ANKS1B: variants seen among roughly 807,000 people sequenced by gnomAD.
ANKS1B encodes the protein ankyrin repeat and sterile alpha motif domain-containing protein 1B.
Under a neutral mutation model 148.3 loss-of-function variants are expected in ANKS1B, and 36 were observed. That is an observed-to-expected ratio of 0.24 (90% CI 0.19 to 0.32). ANKS1B has a LOEUF of 0.32. Among genes scored for constraint, ANKS1B ranks in the 10% least tolerant of loss-of-function variants. The pLI, the probability that ANKS1B is intolerant of heterozygous loss-of-function variation, is 1.00. For synonymous variants in ANKS1B, 542 were observed against 560.8 expected, an observed-to-expected ratio of 0.97 and a Z score of 0.47; for missense variants, 1,157 against 1,542.6, an observed-to-expected ratio of 0.75 and a Z score of 4.19.
At chr12:98,921,580 A>T (rs942808053) in intron 17 of ANKS1B, among the ~76,000 whole-genome samples, 1 of 152,204 alleles carries the variant, frequency 6.6e-6, no homozygotes, top group Non-Finnish European at 1.5e-5. Flanking sequence ...CCTTTAGAAC[A>T]TCACCCCACT....
chr12:99,942,553 T>C (rs1310929431), intron 1 of ANKS1B, among the ~76,000 whole-genome samples: 1 of 152,068 alleles, frequency 6.6e-6, no homozygotes, highest in Non-Finnish European at 1.5e-5. Flanking sequence ...GGAAAGATTA[T>C]ATGAGTATGT....
intron 1 of ANKS1B, among the ~76,000 whole-genome samples, chr12:99,831,350 T>TAAATGTACCAAATGTAA (rs1292149500): frequency 1.3e-5 from 2 of 152,170 alleles, no homozygotes; most frequent in Non-Finnish European, 2.9e-5. Context: ...GGTGAAAATG[T>TAAATGTACCAAATGTAA]AAATTGGTAC....
rs199933228 is a variant in ANKS1B at position 99,399,722 on chromosome 12, C to A, written c.1665G>T (p.Gly555=). 1.6e-5 allele frequency: 26 copies of A among 1,613,360 alleles called. No individual in the cohort carries two copies. Among genetic ancestry groups the A allele is most frequent in the Non-Finnish European group, 2.2e-5 (26 of 1,179,540 alleles). Reference sequence around the variant, plus strand: ...GAGGACTGGCAGTAAAGCTTGTGCACCCTGTAGATGTGTTGATTTCAAAAT... The same window carrying A: ...GAGGACTGGCAGTAAAGCTTGTGCAACCTGTAGATGTGTTGATTTCAAAAT... ...QEYFEINTST[G]CTSFTASPPA... The change falls in exon 12 of 27, where the codon GGG becomes GGT. Residue 555 remains glycine, a synonymous_variant. Transcript: ENST00000683438.
chr12:99,201,249 T>C (rs904291666), intron 14 of ANKS1B, among the ~76,000 whole-genome samples: 4 of 151,966 alleles, frequency 2.6e-5, no homozygotes, highest in African/African-American at 9.7e-5. Context: ...AAGAATGTGG[T>C]CAGGCCAGCA....
chr12:99,847,109 CTT>C, intron 1 of ANKS1B, among the ~76,000 whole-genome samples: 1 of 145,944 alleles, frequency 6.9e-6, no homozygotes, highest in African/African-American at 2.5e-5. Flanking sequence ...TTTTTTCTTT[CTT>C]TTTTTTTTTT....
chr12:99,553,320 A>T (rs1221010623), intron 9 of ANKS1B, among the ~76,000 whole-genome samples: 1 of 152,192 alleles, frequency 6.6e-6, no homozygotes, highest in Non-Finnish European at 1.5e-5. Flanking sequence ...ATTTTCCTTA[A>T]ATGAAAGTTG....
chr12:99,858,845 G>C (rs1317851330), intron 1 of ANKS1B, among the ~76,000 whole-genome samples: 1 of 152,080 alleles, frequency 6.6e-6, no homozygotes, highest in Non-Finnish European at 1.5e-5. Flanking sequence ...AAAGGCCTAA[G>C]AATGATACAA....
chr12:99,048,063 C>A (rs912695221), intron 17 of ANKS1B, among the ~76,000 whole-genome samples: 3 of 152,130 alleles, frequency 2.0e-5, no homozygotes, highest in Non-Finnish European at 4.4e-5. Context: ...ATGAAGAATA[C>A]TTAGTAGTCC....
At chr12:99,486,973 G>A (rs1024625340) in intron 10 of ANKS1B, among the ~76,000 whole-genome samples, 1 of 152,140 alleles carries the variant, frequency 6.6e-6, no homozygotes, top group African/African-American at 2.4e-5. Flanking sequence ...CCCCAACTGT[G>A]CCTGCCATGG....
intron 8 of ANKS1B, among the ~76,000 whole-genome samples, chr12:99,657,304 C>G (rs201922017): frequency 6.6e-6 from 1 of 152,164 alleles, no homozygotes; most frequent in East Asian, 1.9e-4. Flanking sequence ...GCAAAACCTA[C>G]TCTCCCCTCA....
intron 12 of ANKS1B, among the ~76,000 whole-genome samples, chr12:99,261,370 T>C (rs1476584813): frequency 2.0e-5 from 3 of 152,142 alleles, no homozygotes; most frequent in Non-Finnish European, 4.4e-5. Context: ...CTCTGCTCAT[T>C]CCTTCTGTTT....
intron 1 of ANKS1B, among the ~76,000 whole-genome samples, chr12:99,920,581 T>C (rs201624760): frequency 3.4e-4 from 52 of 152,190 alleles, no homozygotes; most frequent in Non-Finnish European, 6.5e-4. Flanking sequence ...GATTAATTCA[T>C]TCATTCATAC....
intron 9 of ANKS1B, among the ~76,000 whole-genome samples, chr12:99,567,768 G>A (rs2097411485): frequency 6.6e-6 from 1 of 152,066 alleles, no homozygotes; most frequent in African/African-American, 2.4e-5. Flanking sequence ...TCAATTAGAA[G>A]GCTTTCCTAA....
At chr12:99,143,741 TTAGTC>T (rs1291320833) in intron 15 of ANKS1B, among the ~76,000 whole-genome samples, 4 of 152,108 alleles carry the variant, frequency 2.6e-5, no homozygotes, top group Non-Finnish European at 4.4e-5. Context: ...GAAAGTTTCC[TTAGTC>T]TAGACTGCTT....
chr12:99,013,298 T>A (rs998252311), intron 17 of ANKS1B, among the ~76,000 whole-genome samples: 5 of 152,178 alleles, frequency 3.3e-5, no homozygotes, highest in African/African-American at 1.2e-4. Flanking sequence ...AAGCATTTCC[T>A]ATGTCTTAAG....
chr12:98,982,511 T>C (rs932013841), intron 17 of ANKS1B, among the ~76,000 whole-genome samples: 3 of 152,230 alleles, frequency 2.0e-5, no homozygotes, highest in Non-Finnish European at 4.4e-5. Context: ...CCCTCCCTCT[T>C]AGAAATGACT....
intron 1 of ANKS1B, among the ~76,000 whole-genome samples, chr12:99,903,231 C>T (rs2093662799): frequency 5.9e-5 from 9 of 152,144 alleles, no homozygotes. Flanking sequence ...TATCCCATGA[C>T]CCAGCTAGGG....
chr12:99,916,355 T>G (rs1424579278), intron 1 of ANKS1B, among the ~76,000 whole-genome samples: 1 of 152,192 alleles, frequency 6.6e-6, no homozygotes, highest in African/African-American at 2.4e-5. Context: ...AAGCTGACAC[T>G]TATACCAGGG....
intron 9 of ANKS1B, among the ~76,000 whole-genome samples, chr12:99,528,188 G>T (rs1245526340): frequency 6.6e-6 from 1 of 151,850 alleles, no homozygotes; most frequent in African/African-American, 2.4e-5. Flanking sequence ...AATTGAAACT[G>T]GACCCCTTCC....
Sources: gnomAD v4.1 joint callset for allele counts (sites outside exome capture counted in the v4.1 genomes callset) on GRCh38, gnomAD v4.1.1 for gene constraint, MANE v1.5 for transcripts, NCBI Gene and HGNC (gene_info 2026-07-23, HGNC 2026-07-21) for gene names.